The following SH3GL3 variants were observed in gnomAD, a reference collection of about 807,000 sequenced individuals.
SH3GL3 encodes SH3 domain containing GRB2 like 3, endophilin A3, also known as endophilin-A3.
SH3GL3 carries 33 observed loss-of-function variants against 47.7 expected under a neutral mutation model. That is an observed-to-expected ratio of 0.69 (90% CI 0.52 to 0.92). SH3GL3 has a LOEUF of 0.92. Among genes scored for constraint, SH3GL3 ranks in the 40% least tolerant of loss-of-function variants. The pLI, the probability that SH3GL3 is intolerant of heterozygous loss-of-function variation, is 0.00. For synonymous variants in SH3GL3, 155 were observed against 148.8 expected (o/e 1.04, Z -0.30); for missense variants, 363 against 417.8 (o/e 0.87, Z 1.14).
chr15:83,596,143 A>T (rs993645834), intron 8 of SH3GL3, among the ~76,000 whole-genome samples: 4 of 152,194 alleles, frequency 2.6e-5, no homozygotes, highest in African/African-American at 9.7e-5. Context: ...GTTTCTTCTG[A>T]AATGTGTTAT....
intron 6 of SH3GL3, among the ~76,000 whole-genome samples, chr15:83,581,379 C>T (rs1443755213): frequency 2.0e-5 from 3 of 152,210 alleles, no homozygotes; most frequent in Non-Finnish European, 4.4e-5. Flanking sequence ...GCTCAGAGAG[C>T]AGGGCTCTCT....
At chr15:83,470,141 C>T (rs552422308) in intron 1 of SH3GL3, among the ~76,000 whole-genome samples, 1 of 152,160 alleles carries the variant, frequency 6.6e-6, no homozygotes, top group East Asian at 1.9e-4. Flanking sequence ...TTTTTCTTTT[C>T]TCCTGTTTTC....
chr15:83,632,206 A>G, the SH3GL3 span, among the ~76,000 whole-genome samples: 1 of 152,202 alleles, frequency 6.6e-6, no homozygotes, highest in Non-Finnish European at 1.5e-5. Context: ...CCATTCAGCA[A>G]GTCTCTAGGA....
At chr15:83,529,524 T>G (rs2151672421) in intron 1 of SH3GL3, among the ~76,000 whole-genome samples, 1 of 152,200 alleles carries the variant, frequency 6.6e-6, no homozygotes, top group East Asian at 1.9e-4. Flanking sequence ...GGTAGAGTGA[T>G]CCGCAGGCCC....
At chr15:83,518,170 C>T (rs1437598304) in intron 1 of SH3GL3, among the ~76,000 whole-genome samples, 4 of 152,180 alleles carry the variant, frequency 2.6e-5, no homozygotes, top group Non-Finnish European at 4.4e-5. Flanking sequence ...CCTATCTTTG[C>T]TATTGTGAAT....
intron 6 of SH3GL3, among the ~76,000 whole-genome samples, chr15:83,577,243 G>T (rs2059706868): frequency 6.6e-6 from 1 of 151,984 alleles, no homozygotes; most frequent in South Asian, 2.1e-4. Context: ...TTATGAGTTT[G>T]TGTTGGGCCA....
chr15:83,463,767 CTTT>C (rs910419812), intron 1 of SH3GL3, among the ~76,000 whole-genome samples: 2 of 122,922 alleles, frequency 1.6e-5, no homozygotes, highest in African/African-American at 6.5e-5. Context: ...TTCTTTCTTT[CTTT>C]TTTTTTTTTT....
chr15:83,464,509 C>T (rs967520660), intron 1 of SH3GL3, among the ~76,000 whole-genome samples: 7 of 152,128 alleles, frequency 4.6e-5, no homozygotes, highest in African/African-American at 1.4e-4. Flanking sequence ...GCCTGCATCA[C>T]CTCTCTCCTT....
intron 1 of SH3GL3, among the ~76,000 whole-genome samples, chr15:83,522,759 A>C (rs2043261798): frequency 6.6e-6 from 1 of 152,232 alleles, no homozygotes; most frequent in South Asian, 2.1e-4. Flanking sequence ...AGACCACAGA[A>C]GGGTCTTTTT....
At chr15:83,559,890 T>G (rs1425830872) in intron 2 of SH3GL3, among the ~76,000 whole-genome samples, 3 of 152,126 alleles carry the variant, frequency 2.0e-5, no homozygotes. Flanking sequence ...ATGCAAACAT[T>G]AACGTATTTG....
At chr15:83,516,274 G>A (rs548828856) in intron 1 of SH3GL3, among the ~76,000 whole-genome samples, 2 of 152,206 alleles carry the variant, frequency 1.3e-5, no homozygotes, top group South Asian at 4.1e-4. Context: ...CAAGAACTAG[G>A]ACATTGCTAG....
intron 1 of SH3GL3, among the ~76,000 whole-genome samples, chr15:83,459,873 C>T (rs1248675671): frequency 6.6e-6 from 1 of 152,066 alleles, no homozygotes; most frequent in African/African-American, 2.4e-5. Flanking sequence ...TGAAAAGGTA[C>T]ATTTTCTTTT....
At chr15:83,606,172 T>G (rs2060510453) in intron 8 of SH3GL3, among the ~76,000 whole-genome samples, 1 of 152,168 alleles carries the variant, frequency 6.6e-6, no homozygotes, top group African/African-American at 2.4e-5. Flanking sequence ...TTAACAAATA[T>G]GTATTCCAAA....
chr15:83,581,448 C>G (rs1462155909), intron 6 of SH3GL3, among the ~76,000 whole-genome samples: 1 of 152,234 alleles, frequency 6.6e-6, no homozygotes, highest in Non-Finnish European at 1.5e-5. Flanking sequence ...GTCCAGTGAG[C>G]TATTCCTGGC....
At chr15:83,458,845 G>A (rs2040129646) in intron 1 of SH3GL3, among the ~76,000 whole-genome samples, 1 of 152,206 alleles carries the variant, frequency 6.6e-6, no homozygotes, top group African/African-American at 2.4e-5. Flanking sequence ...ATTAGTCAGG[G>A]TTCTCTAGAG....
intron 8 of SH3GL3, among the ~76,000 whole-genome samples, chr15:83,597,912 A>G (rs17158780): frequency 0.24 from 36,789 of 152,074 alleles, 4,661 homozygotes; most frequent in East Asian, 0.33. Flanking sequence ...CTGGCCCTTA[A>G]TTATGCTTTT....
chr15:83,524,311 C>T (rs972998551), intron 1 of SH3GL3, among the ~76,000 whole-genome samples: 3 of 152,160 alleles, frequency 2.0e-5, no homozygotes, highest in Non-Finnish European at 4.4e-5. Flanking sequence ...GATGCATCTT[C>T]TCATTTTCAA....
chr15:83,575,191 C>T (rs1341503024), intron 5 of SH3GL3, among the ~76,000 whole-genome samples: 1 of 152,132 alleles, frequency 6.6e-6, no homozygotes, highest in Admixed American at 6.5e-5. Context: ...ACATCTCCCC[C>T]AAATGCACAG....
chr15:83,588,542 C>T (rs756582132), intron 7 of SH3GL3, 120 bp from the exon 8 acceptor site: 14 of 658,838 alleles, frequency 2.1e-5, no homozygotes, highest in African/African-American at 1.3e-4. Flanking sequence ...GTGTAAAAAT[C>T]GTCCCTTTCA....
Sources: gnomAD v4.1 joint callset for allele counts (sites outside exome capture counted in the v4.1 genomes callset) on GRCh38, gnomAD v4.1.1 for gene constraint, MANE v1.5 for transcripts, NCBI Gene and HGNC (gene_info 2026-07-23, HGNC 2026-07-21) for gene names.